CUX1: variants seen among roughly 807,000 people sequenced by gnomAD.
The protein encoded by CUX1 is cut like homeobox 1, also known as protein CASP.
Under a neutral mutation model 158.8 loss-of-function variants are expected in CUX1, and 31 were observed. That is an observed-to-expected ratio of 0.20 (90% confidence interval 0.15 to 0.26). The LOEUF is 0.26. CUX1 is among the 10% of genes least tolerant of loss of function. CUX1 has a pLI of 1.00. For synonymous variants in CUX1, 879 were observed against 862.1 expected (o/e 1.02, Z -0.34); for missense variants, 1,589 against 2,014.6 (o/e 0.79, Z 4.04).
At chr7:101,816,123 C>T (rs777115318), upstream of CUX1, 1 of 1,300,780 alleles carries the variant, frequency 7.7e-7, no homozygotes. Flanking sequence ...GGCCTCGCGC[C>T]CGGGGGTGGG....
At chr7:102,056,079 A>G (rs1244383282) in intron 3 of CUX1, among the ~76,000 whole-genome samples, 1 of 152,240 alleles carries the variant, frequency 6.6e-6, no homozygotes, top group Non-Finnish European at 1.5e-5. Flanking sequence ...AAGCTACCGA[A>G]TAAAAGTTGG....
intron 20 of CUX1, among the ~76,000 whole-genome samples, chr7:102,208,433 G>T (rs908984519): frequency 6.6e-6 from 1 of 152,212 alleles, no homozygotes; most frequent in Non-Finnish European, 1.5e-5. Flanking sequence ...TAGAGACGGG[G>T]TTTCGCCCTG....
At position 102,027,072 on chromosome 7, in the gene CUX1, C is replaced by T. The variant is rs551715537; in HGVS notation, c.142-1026C>T. 7.8e-4 allele frequency among the ~76,000 whole-genome samples: 118 copies of T among 152,008 alleles called. 1 individual carries two copies. Among genetic ancestry groups the T allele is most frequent in the African/African-American group, 2.7e-3 (111 of 41,460 alleles). ...GTGGATTCAAAACAGGCTGTATCTC[C>T]GACTTAACAGTGCATTAAAATGGCA... is the stretch of plus-strand genomic sequence containing the variant. On this transcript the variant is annotated intron_variant, in intron 2 of 23. Coordinates refer to ENST00000292535, the MANE Select transcript of CUX1 (RefSeq NM_181552.4).
intron 1 of CUX1, among the ~76,000 whole-genome samples, chr7:101,818,565 C>T (rs1280926154): frequency 6.6e-6 from 1 of 152,194 alleles, no homozygotes; most frequent in Non-Finnish European, 1.5e-5. Context: ...TGTCAGTTTA[C>T]TTGCACTTTA....
At chr7:101,922,018 C>T (rs921288262) in intron 2 of CUX1, among the ~76,000 whole-genome samples, 3 of 151,266 alleles carry the variant, frequency 2.0e-5, no homozygotes, top group Non-Finnish European at 2.9e-5. Context: ...CTTGGGAGGC[C>T]GAGGTGGGAG....
At chr7:102,270,315 TCTAA>T in intron 14 of CUX1, among the ~76,000 whole-genome samples, 1 of 152,258 alleles carries the variant, frequency 6.6e-6, no homozygotes, top group East Asian at 1.9e-4. Flanking sequence ...TCTAAGTACA[TCTAA>T]CTGAGGCCCC....
chr7:102,237,843 G>A (rs1242981791), intron 22 of CUX1, among the ~76,000 whole-genome samples: 1 of 152,210 alleles, frequency 6.6e-6, no homozygotes, highest in Non-Finnish European at 1.5e-5. Flanking sequence ...AAAGGGGCAG[G>A]ATAAGGAGAG....
intron 1 of CUX1, among the ~76,000 whole-genome samples, chr7:101,894,952 C>T (rs991482698): frequency 5.9e-5 from 9 of 152,054 alleles, no homozygotes; most frequent in African/African-American, 2.2e-4. Flanking sequence ...GGTGACCTCC[C>T]CAGCCTGTCT....
chr7:102,039,271 ACTGGC>A (rs1323851831), intron 3 of CUX1, among the ~76,000 whole-genome samples: 1 of 152,130 alleles, frequency 6.6e-6, no homozygotes, highest in Non-Finnish European at 1.5e-5. Flanking sequence ...TAATGGCAGG[ACTGGC>A]CTCGATCCTG....
At chr7:102,045,881 A>G (rs1822720187) in intron 3 of CUX1, among the ~76,000 whole-genome samples, 1 of 152,210 alleles carries the variant, frequency 6.6e-6, no homozygotes, top group South Asian at 2.1e-4. Flanking sequence ...GACCCGCTCC[A>G]GGGACCCAGC....
intron 1 of CUX1, among the ~76,000 whole-genome samples, chr7:101,907,835 T>G (rs1802935145): frequency 6.6e-6 from 1 of 152,068 alleles, no homozygotes; most frequent in Non-Finnish European, 1.5e-5. Context: ...ATATCAATGT[T>G]TAGCCAGACT....
intron 1 of CUX1, among the ~76,000 whole-genome samples, chr7:101,819,480 A>G (rs1792240115): frequency 6.6e-6 from 1 of 152,228 alleles, no homozygotes. Flanking sequence ...TTTCAGAATC[A>G]AAAAACAATT....
At chr7:102,048,924 C>G (rs1014010046) in intron 3 of CUX1, among the ~76,000 whole-genome samples, 6 of 152,140 alleles carry the variant, frequency 3.9e-5, no homozygotes, top group African/African-American at 1.4e-4. Context: ...AAAAAACAAA[C>G]AAACAAACAT....
At chr7:101,859,566 T>C (rs1054729246) in intron 1 of CUX1, among the ~76,000 whole-genome samples, 2 of 152,250 alleles carry the variant, frequency 1.3e-5, no homozygotes, top group African/African-American at 2.4e-5. Context: ...TATTTATTAC[T>C]GTCAGGTATT....
At chr7:101,933,929 A>G (rs1452272023) in intron 2 of CUX1, among the ~76,000 whole-genome samples, 1 of 152,260 alleles carries the variant, frequency 6.6e-6, no homozygotes, top group Non-Finnish European at 1.5e-5. Flanking sequence ...ATCAAAGTTT[A>G]AAAAGCGATG....
chr7:102,082,199 A>G lies in CUX1; in HGVS notation c.268+11782A>G, dbSNP rs572937020. Among the ~76,000 whole-genome samples, 32 of 146,944 alleles carry G rather than the reference A, an allele frequency of 2.2e-4. 2 individuals carry two copies. Among genetic ancestry groups the G allele is most frequent in the African/African-American group, 7.0e-4 (29 of 41,166 alleles). On this transcript the variant is annotated intron_variant, in intron 4 of 23. Transcript: ENST00000292535. ...GACGGGTCTACGTCAGTGGTCTCCA[A>G]ACTACTTTTGCTTATGCACCCCAAG...
chr7:102,090,015 C>G (rs1554481725), intron 4 of CUX1, among the ~76,000 whole-genome samples: 1 of 152,176 alleles, frequency 6.6e-6, no homozygotes, highest in African/African-American at 2.4e-5. Context: ...GCCTAGTTTT[C>G]TAGTTGTTTA....
At chr7:101,936,723 A>ACCG in intron 2 of CUX1, among the ~76,000 whole-genome samples, 1 of 152,114 alleles carries the variant, frequency 6.6e-6, no homozygotes, top group African/African-American at 2.4e-5. Context: ...CAGCCCTGCC[A>ACCG]TCCCCACCGG....
intron 2 of CUX1, among the ~76,000 whole-genome samples, chr7:102,010,687 T>A (rs1817899365): frequency 1.3e-5 from 2 of 152,168 alleles, no homozygotes; most frequent in Non-Finnish European, 2.9e-5. Context: ...ATTTATAGGA[T>A]GAAGAGGTGT....
Sources: gnomAD v4.1 joint callset for allele counts (sites outside exome capture counted in the v4.1 genomes callset) on GRCh38, gnomAD v4.1.1 for gene constraint, MANE v1.5 for transcripts, NCBI Gene and HGNC (gene_info 2026-07-23, HGNC 2026-07-21) for gene names.